TDRD9: variants seen among roughly 807,000 people sequenced by gnomAD.
TDRD9 encodes tudor domain containing 9, also known as ATP-dependent RNA helicase TDRD9.
TDRD9 carries 124 observed loss-of-function variants against 172.6 expected under a neutral mutation model. That is an observed-to-expected ratio of 0.72 (90% confidence interval 0.62 to 0.83). The LOEUF (loss-of-function observed/expected upper bound fraction) is 0.83, where lower values mean the gene tolerates loss of function less well. TDRD9 is among the 40% of genes least tolerant of loss of function. The pLI is 0.00. For synonymous variants in TDRD9, 619 were observed against 617.1 expected (o/e 1.00, Z -0.05); for missense variants, 1,479 against 1,714.1 (o/e 0.86, Z 2.42).
chr14:103,999,086 C>T (rs554960839), intron 13 of TDRD9, among the ~76,000 whole-genome samples: 2 of 152,328 alleles, frequency 1.3e-5, no homozygotes, highest in East Asian at 3.9e-4. Flanking sequence ...AGCCACCGTG[C>T]CCGGCCATTC....
intron 2 of TDRD9, among the ~76,000 whole-genome samples, chr14:103,962,234 G>A (rs1006389164): frequency 6.6e-6 from 1 of 152,126 alleles, no homozygotes; most frequent in African/African-American, 2.4e-5. Flanking sequence ...TTTATTTATT[G>A]CTATCACTGA....
At position 103,970,563 on chromosome 14, in the gene TDRD9, T is replaced by C; in HGVS notation, c.788T>C (p.Met263Thr). The change falls in exon 6 of 36, where the codon ATG becomes ACG. Residue 263 changes from methionine (M) to threonine (T), a missense_variant. Transcript: ENST00000409874. ...TAGGTACACGAACGAACAGAAGAAA[T>C]GGATTTCCTGCTATTGGTAGTCCGC... ...IDEVHERTEE[M>T]DFLLLVVRKL... The C allele has an allele frequency of 6.4e-7, 1 of 1,551,680 alleles. No individual in the cohort carries two copies. The highest frequency in any genetic ancestry group is 8.7e-7 in the Non-Finnish European group (1 of 1,146,938).
intron 1 of TDRD9, among the ~76,000 whole-genome samples, chr14:103,953,998 A>G (rs2032075041): frequency 6.6e-6 from 1 of 152,212 alleles, no homozygotes; most frequent in African/African-American, 2.4e-5. Flanking sequence ...TCAAGTTGAC[A>G]TAAAATTAAT....
chr14:103,965,045 C>G (rs2032673427), intron 3 of TDRD9, among the ~76,000 whole-genome samples: 1 of 151,976 alleles, frequency 6.6e-6, no homozygotes, highest in Non-Finnish European at 1.5e-5. Context: ...AACCCTGTCT[C>G]TACCAGAAAT....
intron 23 of TDRD9, among the ~76,000 whole-genome samples, chr14:104,018,511 A>AT (rs2034859861): frequency 6.6e-6 from 1 of 152,152 alleles, no homozygotes; most frequent in African/African-American, 2.4e-5. Context: ...CTGGTCTGAG[A>AT]TTTTCTCAGT....
intron 18 of TDRD9, 116 bp downstream of exon 18, chr14:104,006,961 CA>C: frequency 1.9e-6 from 2 of 1,054,606 alleles, no homozygotes. Context: ...AAAGTATTAT[CA>C]GGGTTATTGG....
rs372566626 is a variant in TDRD9 at position 104,021,286 on chromosome 14, C to G, written c.2433-871C>G. Among the ~76,000 whole-genome samples the G allele has an allele frequency of 3.9e-5, 6 of 152,288 alleles. 1 individual carries two copies. In the South Asian group the frequency reaches 1.0e-3, roughly 26 times the overall value. On this transcript the variant is annotated intron_variant, in intron 23 of 35. Coordinates refer to ENST00000409874, the MANE Select transcript of TDRD9 (RefSeq NM_153046.3). ...CCGGTCACCTCCCACCAGGCCCCTC[C>G]TCCAATATTGGAGATTACAATTCGA...
chr14:104,044,324 G>C (rs1412709194), intron 34 of TDRD9, among the ~76,000 whole-genome samples: 1 of 152,068 alleles, frequency 6.6e-6, no homozygotes, highest in African/African-American at 2.4e-5. Context: ...TATTAAAACA[G>C]AATGTGTCAT....
At chr14:103,998,778 G>A (rs764926322) in intron 13 of TDRD9, 50 bp downstream of exon 13, 1 of 925,080 alleles carries the variant, frequency 1.1e-6, no homozygotes, top group Non-Finnish European at 1.7e-6. Context: ...TGACACAGTG[G>A]CACATTCAGG....
chr14:104,025,969 G>C (rs1170244972), intron 26 of TDRD9, 78 bp from the exon 27 acceptor site: 1 of 1,045,738 alleles, frequency 9.6e-7, no homozygotes, highest in African/African-American at 1.6e-5. Context: ...GATTAGAGCA[G>C]ACTGCTGCAT....
At chr14:104,005,706 AG>A (rs2034415749) in intron 15 of TDRD9, among the ~76,000 whole-genome samples, 1 of 152,118 alleles carries the variant, frequency 6.6e-6, no homozygotes, top group East Asian at 1.9e-4. Flanking sequence ...CTTGTAACCG[AG>A]GCCTTGGTAC....
At chr14:104,040,066 A>G in intron 32 of TDRD9, 130 bp from the exon 33 acceptor site, 1 of 745,732 alleles carries the variant, frequency 1.3e-6, no homozygotes, top group Admixed American at 4.2e-5. Flanking sequence ...AGAAAAATGC[A>G]CAAGTGAAAT....
chr14:104,028,047 A>G (rs910153653), intron 28 of TDRD9, among the ~76,000 whole-genome samples: 18 of 152,138 alleles, frequency 1.2e-4, no homozygotes, highest in African/African-American at 4.3e-4. Context: ...TTGTAGCTGA[A>G]TGGTATTTTA....
chr14:103,977,627 TTTC>T (rs2033304237), intron 7 of TDRD9, among the ~76,000 whole-genome samples: 1 of 140,146 alleles, frequency 7.1e-6, no homozygotes, highest in Non-Finnish European at 1.6e-5. Flanking sequence ...AGTTGATTTC[TTTC>T]TTTTTTTTTT....
At chr14:103,940,923 C>T in intron 1 of TDRD9, 3 of 1,535,278 alleles carry the variant, frequency 2.0e-6, no homozygotes, top group Non-Finnish European at 2.6e-6. Flanking sequence ...CTTTGTCTGC[C>T]CTCTTGGAGC....
intron 3 of TDRD9, among the ~76,000 whole-genome samples, chr14:103,964,871 C>T (rs1267263862): frequency 6.6e-6 from 1 of 152,128 alleles, no homozygotes; most frequent in Non-Finnish European, 1.5e-5. Context: ...AGTGTGGCAA[C>T]CGTTTGTCGC....
At chr14:103,941,585 G>T in intron 1 of TDRD9, 4 of 1,535,034 alleles carry the variant, frequency 2.6e-6, no homozygotes, top group Non-Finnish European at 3.5e-6. Context: ...GCTCCTTTAG[G>T]TGCCATTTTA....
At chr14:104,048,782 C>T (rs778356515) in intron 34 of TDRD9, among the ~76,000 whole-genome samples, 18 of 152,248 alleles carry the variant, frequency 1.2e-4, no homozygotes, top group Non-Finnish European at 1.8e-4. Context: ...CAGGATGTGG[C>T]GTGAGGCTGG....
chr14:103,976,024 A>G (rs1443201793), intron 7 of TDRD9, among the ~76,000 whole-genome samples: 1 of 151,520 alleles, frequency 6.6e-6, no homozygotes, highest in South Asian at 2.1e-4. Context: ...CCATTAACCA[A>G]CCTCTTCCTA....
Sources: gnomAD v4.1 joint callset for allele counts (sites outside exome capture counted in the v4.1 genomes callset) on GRCh38, gnomAD v4.1.1 for gene constraint, MANE v1.5 for transcripts, NCBI Gene and HGNC (gene_info 2026-07-23, HGNC 2026-07-21) for gene names.